Variants in TET1 observed in about 807,000 individuals in gnomAD.
TET1 encodes methylcytosine dioxygenase TET1.
TET1 carries 13 observed loss-of-function variants against 148.7 expected under a neutral mutation model. That is an observed-to-expected ratio of 0.09 (90% CI 0.06 to 0.14). The LOEUF (loss-of-function observed/expected upper bound fraction) is 0.14. TET1 is among the 10% of genes least tolerant of loss of function. The pLI, the probability that TET1 is intolerant of heterozygous loss-of-function variation, is 1.00. For synonymous variants in TET1, 907 were observed against 937.2 expected (o/e 0.97, Z 0.59); for missense variants, 2,182 against 2,553.8 (o/e 0.85, Z 3.14).
chr10:68,564,632 T>C (rs2053587621), intron 1 of TET1, among the ~76,000 whole-genome samples: 1 of 152,204 alleles, frequency 6.6e-6, no homozygotes, highest in Admixed American at 6.5e-5. Context: ...AGATGCTTAA[T>C]AACAGGGTCT....
chr10:68,654,401 A>AG, intron 6 of TET1, among the ~76,000 whole-genome samples: 2 of 152,274 alleles, frequency 1.3e-5, no homozygotes, highest in South Asian at 4.1e-4. Context: ...AGATCACCAG[A>AG]GGTCAGGAGA....
intron 3 of TET1, among the ~76,000 whole-genome samples, chr10:68,608,107 T>A (rs2054151619): frequency 6.6e-6 from 1 of 152,058 alleles, no homozygotes; most frequent in African/African-American, 2.4e-5. Flanking sequence ...TTTTGTATTT[T>A]TAGTAGAGAC....
At chr10:68,622,735 G>A (rs1008989557) in intron 3 of TET1, among the ~76,000 whole-genome samples, 1 of 152,022 alleles carries the variant, frequency 6.6e-6, no homozygotes, top group Non-Finnish European at 1.5e-5. Flanking sequence ...GAATGTCCCT[G>A]AAATTGGTTT....
chr10:68,575,937 G>A (rs1184450363), intron 2 of TET1, among the ~76,000 whole-genome samples: 1 of 146,076 alleles, frequency 6.8e-6, no homozygotes, highest in Non-Finnish European at 1.5e-5. Flanking sequence ...GGAGAATGGC[G>A]TGAACCCGGG....
chr10:68,575,848 C>T (rs1413688775), intron 2 of TET1, among the ~76,000 whole-genome samples: 1 of 151,368 alleles, frequency 6.6e-6, no homozygotes, highest in Non-Finnish European at 1.5e-5. Flanking sequence ...GGTGAAACCC[C>T]GTCTCTACTA....
At chr10:68,593,230 CAAAA>C (rs576381158) in intron 2 of TET1, among the ~76,000 whole-genome samples, 82 of 43,194 alleles carry the variant, frequency 1.9e-3, no homozygotes, top group African/African-American at 2.9e-3. Flanking sequence ...AACTCTGTCT[CAAAA>C]AAAAAAAAAA....
At chr10:68,586,844 G>T (rs2053868033) in intron 2 of TET1, among the ~76,000 whole-genome samples, 1 of 152,198 alleles carries the variant, frequency 6.6e-6, no homozygotes, top group African/African-American at 2.4e-5. Context: ...GCGTCTTGCA[G>T]TGTGTCTGCT....
In TET1 at chr10:68,686,560, C is replaced by A; in HGVS notation, c.5257C>A (p.Arg1753Ser). Residue 1753 changes from arginine (R) to serine (S), a missense_variant, in exon 11 of 12, where the codon CGT (arginine) becomes AGT (serine). Physicochemically the swap from Arg to Ser is moderately radical, Grantham distance 110 (BLOSUM62 -1). This residue lies in a region of TET1 where 380 missense variants were observed against 387.9 expected (regional missense o/e 0.98). Coordinates refer to ENST00000373644, the MANE Select transcript of TET1 (RefSeq NM_030625.3). ...KRTCFTQPVP[R>S]SGKKRAAMMT... is the part of the protein sequence containing the mutation. ...AACGTGTTTCACTCAGCCTGTTCCCCGTTCTGGAAAGAAGAGGGCTGCGAT... is the reference window on the plus strand; with the variant it reads ...AACGTGTTTCACTCAGCCTGTTCCCAGTTCTGGAAAGAAGAGGGCTGCGAT... The A allele has an allele frequency of 6.2e-7, 1 of 1,614,120 alleles. No homozygotes were observed. The highest frequency in any genetic ancestry group is 8.5e-7 in the Non-Finnish European group (1 of 1,180,030).
At chr10:68,675,148 G>T in intron 8 of TET1, 1 of 366,546 alleles carries the variant, frequency 2.7e-6, no homozygotes, top group Non-Finnish European at 4.9e-6. Context: ...AGTCATATTT[G>T]TGGGGGAAAA....
At chr10:68,641,446 T>C (rs1310473798) in intron 3 of TET1, among the ~76,000 whole-genome samples, 5 of 151,932 alleles carry the variant, frequency 3.3e-5, no homozygotes, top group African/African-American at 4.8e-5. Flanking sequence ...CCTAGTCTAG[T>C]GGTCTCCTAT....
intron 3 of TET1, among the ~76,000 whole-genome samples, chr10:68,624,564 C>T (rs1040909200): frequency 6.6e-6 from 1 of 152,136 alleles, no homozygotes; most frequent in South Asian, 2.1e-4. Context: ...GCTGGGATTA[C>T]AGGCGTGAGC....
intron 6 of TET1, among the ~76,000 whole-genome samples, chr10:68,657,530 T>G (rs1048834657): frequency 6.6e-6 from 1 of 152,178 alleles, no homozygotes; most frequent in Non-Finnish European, 1.5e-5. Flanking sequence ...TCCCAGCTAC[T>G]CTGGAGGCTG....
At chr10:68,690,737 A>G in intron 11 of TET1, 71 bp from the exon 12 acceptor site, 1 of 1,457,414 alleles carries the variant, frequency 6.9e-7, no homozygotes, top group Non-Finnish European at 9.2e-7. Flanking sequence ...TGTCTTTGAA[A>G]ATACTTTTTA....
intron 7 of TET1, among the ~76,000 whole-genome samples, chr10:68,668,492 AAAT>A: frequency 6.6e-6 from 1 of 152,266 alleles, no homozygotes; most frequent in Non-Finnish European, 1.5e-5. Flanking sequence ...TACTTGTTTA[AAAT>A]ATAAATTTTT....
At chr10:68,632,742 A>G in intron 3 of TET1, 1 of 1,597,220 alleles carries the variant, frequency 6.3e-7, no homozygotes, top group Non-Finnish European at 8.5e-7. Context: ...TCTTGAGCAT[A>G]GAAAAGAAGT....
At chr10:68,601,479 A>C (rs534372973) in intron 3 of TET1, among the ~76,000 whole-genome samples, 21 of 152,312 alleles carry the variant, frequency 1.4e-4, no homozygotes, top group Admixed American at 1.2e-3. Context: ...AAAAGTCCTT[A>C]ATGTGTAAGT....
chr10:68,634,954 GTTGTATATT>G (rs1448110526), intron 3 of TET1, among the ~76,000 whole-genome samples: 1 of 151,466 alleles, frequency 6.6e-6, no homozygotes, highest in African/African-American at 2.4e-5. Context: ...TAGAGACTTG[GTTGTATATT>G]TTGTATATTT....
rs750929949 is a variant in TET1, at chr10:68,572,827, C to A, written c.489C>A (p.Thr163=). 1 of 1,614,086 alleles carries A rather than the reference C, an allele frequency of 6.2e-7. No homozygotes were observed. The highest frequency in any genetic ancestry group is 1.7e-5 in the Admixed American group (1 of 59,994). The change falls in exon 2 of 12, where the codon ACC becomes ACA. Residue 163 remains threonine (T), a synonymous_variant. Coordinates refer to ENST00000373644, the MANE Select transcript of TET1 (RefSeq NM_030625.3). ...SENDSVPMQD[T]QVLPDIETLI... ...ATGATTCGGTTCCAATGCAAGACAC[C>A]CAAGTCCTTCCTGATATAGAGACTC... is the stretch of plus-strand genomic sequence containing the variant.
intron 7 of TET1, among the ~76,000 whole-genome samples, chr10:68,672,398 G>A (rs906628367): frequency 1.5e-5 from 2 of 132,608 alleles, no homozygotes; most frequent in African/African-American, 5.6e-5. Flanking sequence ...TGAAGCAGCA[G>A]AATCGATTGA....
Sources: gnomAD v4.1 joint callset for allele counts (sites outside exome capture counted in the v4.1 genomes callset) on GRCh38, gnomAD v4.1.1 for gene constraint, gnomAD v4.1.1 regional missense constraint, MANE v1.5 for transcripts, NCBI Gene and HGNC (gene_info 2026-07-23, HGNC 2026-07-21) for gene names.